The following SNX29 variants were observed in gnomAD, a reference collection of about 807,000 sequenced individuals.
The protein encoded by SNX29 is sorting nexin-29.
A neutral mutation model predicts 102.1 loss-of-function variants in SNX29; 78 were observed. That is an observed-to-expected ratio of 0.76 (90% confidence interval 0.64 to 0.92). SNX29 has a LOEUF of 0.92. SNX29 is among the 40% of genes least tolerant of loss of function. The pLI, the probability that SNX29 is intolerant of heterozygous loss-of-function variation, is 0.00. For missense variants in SNX29, 1,280 were observed against 1,061.7 expected, an observed-to-expected ratio of 1.21 and a Z score of -2.86; for synonymous variants, 580 against 414.5, an observed-to-expected ratio of 1.40 and a Z score of -4.85.
rs78819537 is a variant in SNX29 at position 12,390,321 on chromosome 16, C to A, written c.1900-8125C>A. Among the ~76,000 whole-genome samples, 79 of 152,254 alleles carry A rather than the reference C, an allele frequency of 5.2e-4. 1 individual carries two copies. The Middle Eastern group carries it at 0.017, about 33-fold the overall frequency. ...TAAATCCCTCATAGGTTTCCCCCGT[C>A]GGAGCACAGACCAAAGCCGTGCTCA... is the stretch of plus-strand genomic sequence containing the variant. On this transcript the variant is annotated intron_variant, in intron 16 of 20. Coordinates refer to ENST00000566228, the MANE Select transcript of SNX29 (RefSeq NM_032167.5).
At chr16:12,002,929 T>C (rs896317663) in intron 2 of SNX29, 62 bp from the exon 3 acceptor site, 1 of 1,603,404 alleles carries the variant, frequency 6.2e-7, no homozygotes. Flanking sequence ...TGTAGGCTGT[T>C]TTATGACGTT....
At chr16:12,231,229 C>T (rs1596571065) in intron 14 of SNX29, among the ~76,000 whole-genome samples, 1 of 152,120 alleles carries the variant, frequency 6.6e-6, no homozygotes, top group South Asian at 2.1e-4. Context: ...ATGTAAAGGT[C>T]CCTGGATTGG....
At position 12,398,713 on chromosome 16, in the gene SNX29, A is replaced by ATT. The variant is rs34851402; in HGVS notation, c.1955+225_1955+226dup. ...TTCTCACCCTTGGGTATTTAAAAACATTTTTTTTTTTTTTGGCTGACATTT... is the reference window on the plus strand; with the variant it reads ...TTCTCACCCTTGGGTATTTAAAAACATTTTTTTTTTTTTTTTGGCTGACATTT... On this transcript the variant is annotated intron_variant, in intron 17 of 20. Coordinates refer to ENST00000566228, the MANE Select transcript of SNX29 (RefSeq NM_032167.5). 6.8e-3 allele frequency among the ~76,000 whole-genome samples: 986 copies of ATT among 144,650 alleles called. 4 individuals carry two copies. Among genetic ancestry groups the ATT allele is most frequent in the Admixed American group, 9.2e-3 (133 of 14,504 alleles). 94.9% of individuals were successfully genotyped at this position (144,650 alleles called of 152,430 possible).
At chr16:12,451,953 C>T (rs1158490531) in intron 18 of SNX29, among the ~76,000 whole-genome samples, 3 of 152,196 alleles carry the variant, frequency 2.0e-5, no homozygotes, top group African/African-American at 7.2e-5. Flanking sequence ...GGAGTGATGT[C>T]TTTGGCCTGG....
At chr16:12,157,785 A>C (rs1308042742) in intron 13 of SNX29, among the ~76,000 whole-genome samples, 1 of 152,054 alleles carries the variant, frequency 6.6e-6, no homozygotes, top group Non-Finnish European at 1.5e-5. Context: ...TACACTATGA[A>C]GTGGAGACAG....
At chr16:12,508,771 C>T (rs1446426244) in intron 19 of SNX29, among the ~76,000 whole-genome samples, 7 of 152,238 alleles carry the variant, frequency 4.6e-5, no homozygotes, top group Middle Eastern at 3.4e-3. Context: ...ATAAATGCCA[C>T]GCCACCTTCT....
intron 13 of SNX29, among the ~76,000 whole-genome samples, chr16:12,149,410 G>A (rs1051164764): frequency 6.6e-6 from 1 of 152,200 alleles, no homozygotes; most frequent in African/African-American, 2.4e-5. Flanking sequence ...AAAACAGAAG[G>A]CAAGTAGTGG....
chr16:12,003,095 G>A lies in SNX29; in HGVS notation c.122+52G>A, dbSNP rs756700548. ...GACCATCGAGGTTGGAAAGGCGGCA[G>A]AAGGTGGCCGGCTTCTAAAACCGTT... is the stretch of plus-strand genomic sequence containing the variant. On this transcript the variant is annotated intron_variant, in intron 3 of 20. Transcript: ENST00000566228. 7 of 1,607,050 alleles carry A rather than the reference G, an allele frequency of 4.4e-6. No individual in the cohort carries two copies. The South Asian group carries it at 7.7e-5, about 18-fold the overall frequency.
At chr16:12,460,497 C>G (rs933560094) in intron 18 of SNX29, among the ~76,000 whole-genome samples, 4 of 152,070 alleles carry the variant, frequency 2.6e-5, no homozygotes, top group African/African-American at 4.8e-5. Context: ...TGGCCAGCTC[C>G]TCTTCATCCT....
chr16:12,041,104 C>T (rs2049863123), intron 4 of SNX29, among the ~76,000 whole-genome samples: 1 of 152,046 alleles, frequency 6.6e-6, no homozygotes, highest in African/African-American at 2.4e-5. Context: ...ACCGCGCCAT[C>T]CTGTTTTTTT....
intron 19 of SNX29, among the ~76,000 whole-genome samples, chr16:12,491,882 G>T (rs2088566804): frequency 6.6e-6 from 1 of 152,202 alleles, no homozygotes; most frequent in Non-Finnish European, 1.5e-5. Context: ...TGGCTGCATA[G>T]TATTCCGTGG....
chr16:12,025,684 C>T (rs1480868128), intron 3 of SNX29, among the ~76,000 whole-genome samples: 2 of 152,196 alleles, frequency 1.3e-5, no homozygotes, highest in Non-Finnish European at 2.9e-5. Flanking sequence ...CTGTCATGGG[C>T]ACCGAATACA....
rs529267583 is a variant in SNX29 at position 12,348,751 on chromosome 16, T to G, written c.1783-7412T>G. ...TGGGGAATCCGAATCCCAGTTCTGCTGCTTACTTCCTGTGTGGTCTTGGAC... is the reference window on the plus strand; with the variant it reads ...TGGGGAATCCGAATCCCAGTTCTGCGGCTTACTTCCTGTGTGGTCTTGGAC... On this transcript the variant is annotated intron_variant, in intron 15 of 20. Coordinates refer to ENST00000566228, the MANE Select transcript of SNX29 (RefSeq NM_032167.5). Among the ~76,000 whole-genome samples, 12 of 152,338 alleles carry G rather than the reference T, an allele frequency of 7.9e-5. No homozygotes were observed. The East Asian group carries it at 2.3e-3, about 29-fold the overall frequency.
At chr16:12,013,383 C>A (rs1158178975) in intron 3 of SNX29, among the ~76,000 whole-genome samples, 33 of 148,166 alleles carry the variant, frequency 2.2e-4, no homozygotes, top group Non-Finnish European at 4.3e-4. Flanking sequence ...GTGGTTCACG[C>A]CTGTAATCCC....
intron 1 of SNX29, among the ~76,000 whole-genome samples, chr16:11,979,945 A>T (rs2055379130): frequency 6.6e-6 from 1 of 152,156 alleles, no homozygotes. Context: ...CTCCGGCCAT[A>T]ACATTTTATT....
At chr16:12,262,484 G>T (rs1038971942) in intron 14 of SNX29, among the ~76,000 whole-genome samples, 1 of 152,312 alleles carries the variant, frequency 6.6e-6, no homozygotes, top group South Asian at 2.1e-4. Context: ...TTTGAATTGG[G>T]ATCAATAAAA....
intron 20 of SNX29, among the ~76,000 whole-genome samples, chr16:12,562,659 G>T (rs919460346): frequency 9.9e-5 from 15 of 152,114 alleles, no homozygotes; most frequent in African/African-American, 3.6e-4. Flanking sequence ...GTTTTATGTC[G>T]GGAAAGTCTA....
intron 11 of SNX29, among the ~76,000 whole-genome samples, chr16:12,097,943 T>C (rs1010942871): frequency 4.6e-5 from 7 of 152,254 alleles, no homozygotes; most frequent in African/African-American, 1.7e-4. Context: ...TTCATTAAAG[T>C]TGGGGGAGCT....
At chr16:12,381,947 C>T (rs1490200105) in intron 16 of SNX29, among the ~76,000 whole-genome samples, 1 of 151,186 alleles carries the variant, frequency 6.6e-6, no homozygotes, top group African/African-American at 2.4e-5. Flanking sequence ...TTTCTAAGAG[C>T]TCATAGAGTA....
Sources: gnomAD v4.1 joint callset for allele counts (sites outside exome capture counted in the v4.1 genomes callset) on GRCh38, gnomAD v4.1.1 for gene constraint, MANE v1.5 for transcripts, NCBI Gene and HGNC (gene_info 2026-07-23, HGNC 2026-07-21) for gene names.